The following ABCA12 variants were observed in gnomAD, a reference collection of about 807,000 sequenced individuals.
The protein encoded by ABCA12 is glucosylceramide transporter ABCA12.
ABCA12 carries 156 observed loss-of-function variants against 293.5 expected under a neutral mutation model. The ratio of observed to expected loss-of-function variants is 0.53; its 90% confidence interval spans 0.47 to 0.61. The LOEUF (loss-of-function observed/expected upper bound fraction) is 0.61, where lower values mean the gene tolerates loss of function less well. Among genes scored for constraint, ABCA12 ranks in the 20% least tolerant of loss-of-function variants. The probability of loss-of-function intolerance (pLI) is 0.00; values close to 1 mark genes in which losing one functional copy is unlikely to be tolerated. For missense variants in ABCA12, 2,797 were observed against 3,090.2 expected, an observed-to-expected ratio of 0.91 and a Z score of 2.25; for synonymous variants, 1,063 against 1,108.0, an observed-to-expected ratio of 0.96 and a Z score of 0.81.
At chr2:215,082,043 C>T (rs202032878) in intron 2 of ABCA12, among the ~76,000 whole-genome samples, 131 of 113,106 alleles carry the variant, frequency 1.2e-3, no homozygotes, top group Middle Eastern at 5.9e-3. Context: ...ATTGTTAATT[C>T]TTTTTTTTTT....
intron 50 of ABCA12, among the ~76,000 whole-genome samples, chr2:214,938,623 T>C (rs1698298650): frequency 6.6e-6 from 1 of 152,158 alleles, no homozygotes; most frequent in African/African-American, 2.4e-5. Context: ...CTCTCCAGCA[T>C]CTGTTGTTTC....
chr2:214,958,202 T>C, intron 41 of ABCA12, 75 bp downstream of exon 41: 2 of 1,571,438 alleles, frequency 1.3e-6, no homozygotes, highest in Non-Finnish European at 1.8e-6. Flanking sequence ...AGTAAATAAC[T>C]CTTGAATAGA....
At position 214,942,919 on chromosome 2, in the gene ABCA12, C is replaced by G. The variant is rs1698453638; in HGVS notation, c.7436+6G>C. ...CTATCTGTTAAGCAATGCATTTGTT[C>G]TTCACCTGCTCTTTATGTGCTGCAA... is the stretch of plus-strand genomic sequence containing the variant. On this transcript the variant is annotated splice_donor_region_variant and intron_variant, in intron 50 of 52. Coordinates refer to ENST00000272895, the MANE Select transcript of ABCA12 (RefSeq NM_173076.3). 6 of 1,612,274 alleles carry G rather than the reference C, an allele frequency of 3.7e-6. No homozygotes were observed. Among genetic ancestry groups the G allele is most frequent in the Non-Finnish European group, 4.2e-6 (5 of 1,178,956 alleles).
intron 48 of ABCA12, among the ~76,000 whole-genome samples, chr2:214,946,199 AATT>A (rs1298258708): frequency 2.0e-5 from 3 of 152,140 alleles, no homozygotes; most frequent in African/African-American, 7.2e-5. Context: ...AAATATGTAT[AATT>A]ATTATGTGTC....
At chr2:215,082,043 C>CTTTTT (rs549072917) in intron 2 of ABCA12, among the ~76,000 whole-genome samples, 23 of 113,130 alleles carry the variant, frequency 2.0e-4, no homozygotes, top group Admixed American at 3.2e-4. Flanking sequence ...ATTGTTAATT[C>CTTTTT]TTTTTTTTTT....
Position 215,018,052 on chromosome 2 carries a change from T to C in ABCA12, c.1738A>G (p.Ile580Val). 3 of 1,614,192 alleles carry C rather than the reference T, an allele frequency of 1.9e-6. No individual in the cohort carries two copies. The highest frequency in any genetic ancestry group is 2.5e-6 in the Non-Finnish European group (3 of 1,180,024). Residue 580 changes from isoleucine (I) to valine (V), a missense_variant, in exon 14 of 53, where the codon ATT (isoleucine) becomes GTT (valine). Physicochemically the swap from Ile to Val is conservative, Grantham distance 29 (BLOSUM62 3). Around this residue, in one of 3 missense-constraint regions of ABCA12, gnomAD observed 656 missense variants for 638.2 expected, o/e 1.03. Transcript: ENST00000272895. ...RRTTGMSNRTIDKLLAIPIPD... is the reference protein window; with the variant it reads ...RRTTGMSNRTVDKLLAIPIPD... ...ATGGGAATGGCCAGCAACTTGTCAATAGTCCTGTTGGACATTCCTGTTGTT... is the reference window on the plus strand; with the variant it reads ...ATGGGAATGGCCAGCAACTTGTCAACAGTCCTGTTGGACATTCCTGTTGTT...
In ABCA12 at chr2:214,955,376, C is replaced by T. The variant is rs1233240394; in HGVS notation, c.6234-15G>A. On this transcript the variant is annotated splice_polypyrimidine_tract_variant and intron_variant, in intron 42 of 52. Coordinates refer to ENST00000272895, the MANE Select transcript of ABCA12 (RefSeq NM_173076.3). ...ATGTTGCATACCTGCAGGTTAAAAACACAAAGAATTAAAATTACGCCTCGG... is the reference window on the plus strand; with the variant it reads ...ATGTTGCATACCTGCAGGTTAAAAATACAAAGAATTAAAATTACGCCTCGG... 1 of 1,613,810 alleles carries T rather than the reference C, an allele frequency of 6.2e-7. No individual in the cohort carries two copies. The highest frequency in any genetic ancestry group is 2.2e-5 in the East Asian group (1 of 44,812).
At chr2:214,966,033 C>A (rs1330836175) in intron 39 of ABCA12, among the ~76,000 whole-genome samples, 1 of 152,148 alleles carries the variant, frequency 6.6e-6, no homozygotes, top group Admixed American at 6.5e-5. Context: ...GGTACACATA[C>A]ACCATGGAAT....
chr2:214,988,660 T>C (rs867014775), intron 26 of ABCA12, among the ~76,000 whole-genome samples: 2 of 152,168 alleles, frequency 1.3e-5, no homozygotes, highest in South Asian at 4.1e-4. Flanking sequence ...TCCTTAGAAT[T>C]AGGAGATTTG....
At chr2:215,016,273 G>A (rs867367581) in intron 14 of ABCA12, among the ~76,000 whole-genome samples, 3 of 150,776 alleles carry the variant, frequency 2.0e-5, no homozygotes, top group African/African-American at 7.3e-5. Flanking sequence ...TAAGTTTGGG[G>A]AAAACGTTAG....
At chr2:215,036,036 T>A (rs1050273631) in intron 8 of ABCA12, among the ~76,000 whole-genome samples, 8 of 151,404 alleles carry the variant, frequency 5.3e-5, no homozygotes, top group Admixed American at 4.0e-4. Context: ...TAGCCTAAAC[T>A]TTTTTTTTAA....
chr2:215,071,373 C>T (rs1036872474), intron 2 of ABCA12, among the ~76,000 whole-genome samples: 8 of 151,320 alleles, frequency 5.3e-5, no homozygotes, highest in African/African-American at 7.3e-5. Flanking sequence ...AGATAACCTC[C>T]GAGAAATCAA....
intron 44 of ABCA12, among the ~76,000 whole-genome samples, chr2:214,953,021 C>G (rs962227885): frequency 1.3e-5 from 2 of 152,184 alleles, no homozygotes; most frequent in African/African-American, 4.8e-5. Context: ...GTATATATCT[C>G]TCATCAGCAG....
chr2:214,974,142 T>C, intron 35 of ABCA12, 100 bp from the exon 36 acceptor site: 1 of 1,047,498 alleles, frequency 9.5e-7, no homozygotes, highest in Non-Finnish European at 1.5e-6. Flanking sequence ...AGTTCATGTG[T>C]GTAGTCACAG....
rs147973580 is a variant in ABCA12, at chr2:214,978,358, C to T, written c.5086G>A (p.Asp1696Asn). The change falls in exon 33 of 53, where the codon GAC (aspartate) becomes AAC (asparagine). Residue 1696 changes from aspartate (D) to asparagine (N), a missense_variant. Transcript: ENST00000272895. ...NSNANGISTPDDLSVSSSNFT... is the reference protein window; with the variant it reads ...NSNANGISTPNDLSVSSSNFT... ...TTGCTGCTGCTCACAGATAAATCGT[C>T]AGGAGTTGAGATGCCATTGGCATTG... 66 of 1,613,930 alleles carry T rather than the reference C, an allele frequency of 4.1e-5. No homozygotes were observed. The highest frequency in any genetic ancestry group is 5.3e-5 in the Non-Finnish European group (62 of 1,179,984).
chr2:214,965,539 G>T (rs1277313290), intron 39 of ABCA12, among the ~76,000 whole-genome samples: 1 of 151,650 alleles, frequency 6.6e-6, no homozygotes, highest in Non-Finnish European at 1.5e-5. Flanking sequence ...ACTGGGGCGA[G>T]GGGGGAAGAA....
At chr2:214,973,649 G>A (rs1379617496) in intron 36 of ABCA12, among the ~76,000 whole-genome samples, 2 of 152,094 alleles carry the variant, frequency 1.3e-5, no homozygotes, top group African/African-American at 2.4e-5. Flanking sequence ...ATTTTTTCCT[G>A]TGAAGCATAG....
chr2:215,015,056 C>T (rs1700460611), intron 15 of ABCA12, among the ~76,000 whole-genome samples: 1 of 151,880 alleles, frequency 6.6e-6, no homozygotes, highest in South Asian at 2.1e-4. Flanking sequence ...ATGAAGGAAA[C>T]AGGAAATTTT....
chr2:215,016,312 G>A (rs964875755), intron 14 of ABCA12, among the ~76,000 whole-genome samples: 1 of 150,746 alleles, frequency 6.6e-6, no homozygotes, highest in Non-Finnish European at 1.5e-5. Context: ...GGCTGGGCGC[G>A]GTGGCTCACG....
Sources: gnomAD v4.1 joint callset for allele counts (sites outside exome capture counted in the v4.1 genomes callset) on GRCh38, gnomAD v4.1.1 for gene constraint, gnomAD v4.1.1 regional missense constraint, MANE v1.5 for transcripts, NCBI Gene and HGNC (gene_info 2026-07-23, HGNC 2026-07-21) for gene names.